The following LMAN2L variants were observed in gnomAD, a reference collection of about 807,000 sequenced individuals.
LMAN2L encodes the protein VIP36-like protein.
A neutral mutation model predicts 44.3 loss-of-function variants in LMAN2L; 30 were observed. The observed-to-expected ratio is 0.68, with a 90% CI of 0.51 to 0.92. LMAN2L has a LOEUF of 0.92. Among genes scored for constraint, LMAN2L ranks in the 40% least tolerant of loss-of-function variants. The pLI is 0.00. For missense variants in LMAN2L, 429 were observed against 446.1 expected (o/e 0.96, Z 0.35); for synonymous variants, 183 against 171.1 (o/e 1.07, Z -0.54).
chr2:96,707,408 C>G lies in LMAN2L; in HGVS notation c.905-10G>C. ...GGCAGTGGAGCTGTCACTGAGGAAG[C>G]AAGAGAGAAGCAAGTCAGAAAACAG... On this transcript the variant is annotated splice_polypyrimidine_tract_variant and intron_variant, in intron 7 of 7. Transcript: ENST00000264963. 1 of 1,607,068 alleles carries G rather than the reference C, an allele frequency of 6.2e-7. No individual in the cohort carries two copies. Among genetic ancestry groups the G allele is most frequent in the Non-Finnish European group, 8.5e-7 (1 of 1,176,792 alleles).
chr2:96,715,043 A>C (rs188847434), intron 4 of LMAN2L, among the ~76,000 whole-genome samples: 1 of 152,272 alleles, frequency 6.6e-6, no homozygotes, highest in Admixed American at 6.5e-5. Context: ...GGTTCAAGCA[A>C]TTCTCCTGCC....
chr2:96,722,703 T>C (rs953092568), intron 4 of LMAN2L, among the ~76,000 whole-genome samples: 1 of 152,256 alleles, frequency 6.6e-6, no homozygotes, highest in African/African-American at 2.4e-5. Flanking sequence ...TTATGAATAA[T>C]GCTGCTATGA....
chr2:96,718,292 T>C (rs1416334981), intron 4 of LMAN2L, among the ~76,000 whole-genome samples: 2 of 152,224 alleles, frequency 1.3e-5, no homozygotes, highest in Non-Finnish European at 2.9e-5. Flanking sequence ...AGCACAAAAT[T>C]ATTATCAAAT....
Position 96,727,090 on chromosome 2 carries a change from A to C in LMAN2L, c.507+6429T>G, listed in dbSNP as rs535168693. Among the ~76,000 whole-genome samples, 5 of 152,254 alleles carry C rather than the reference A, an allele frequency of 3.3e-5. No individual in the cohort carries two copies. The East Asian group carries it at 9.6e-4, about 29-fold the overall frequency. ...CAGAGCGAGACTCTATCTCAAAAAAACATAAAAATAAAAAATGTGTGTGTG... is the reference window on the plus strand; with the variant it reads ...CAGAGCGAGACTCTATCTCAAAAAACCATAAAAATAAAAAATGTGTGTGTG... On this transcript the variant is annotated intron_variant, in intron 4 of 7. Coordinates refer to ENST00000264963, the MANE Select transcript of LMAN2L (RefSeq NM_030805.4).
chr2:96,732,741 A>T (rs1012781792), intron 4 of LMAN2L, among the ~76,000 whole-genome samples: 3 of 151,638 alleles, frequency 2.0e-5, no homozygotes, highest in African/African-American at 7.2e-5. Context: ...GTTCCAACAA[A>T]ATGCTGGGCT....
At position 96,706,833 on chromosome 2, in the gene LMAN2L, T is replaced by C. The variant is rs904352037; in HGVS notation, c.*423A>G. 1 of 152,916 alleles carries C rather than the reference T, an allele frequency of 6.5e-6. No homozygotes were observed. Among genetic ancestry groups the C allele is most frequent in the African/African-American group, 2.4e-5 (1 of 41,484 alleles). The allele number at this position is 152,916 out of a possible 1,614,324, so 9.5% of individuals were successfully genotyped here. A position where few individuals can be genotyped will look rare whatever the true frequency, so the allele number is the denominator to read the frequency against. ...TGGGTCAAATGCAAAACCCAACGAA[T>C]GGATGGTCAGAAAGCCTGTGGTGTT... On this transcript the variant is annotated 3_prime_UTR_variant, in exon 8 of 8. Transcript: ENST00000264963.
intron 2 of LMAN2L, among the ~76,000 whole-genome samples, chr2:96,736,816 C>T (rs140856673): frequency 2.1e-3 from 323 of 152,248 alleles, no homozygotes; most frequent in African/African-American, 7.5e-3. Context: ...TTCAACTGTC[C>T]TTTATCTCTG....
intron 4 of LMAN2L, among the ~76,000 whole-genome samples, chr2:96,716,904 T>A (rs2078051152): frequency 6.6e-6 from 1 of 152,164 alleles, no homozygotes; most frequent in Non-Finnish European, 1.5e-5. Context: ...AAGAGAACGC[T>A]GAGAATAGTT....
chr2:96,727,131 C>CAT lies in LMAN2L; in HGVS notation c.507+6386_507+6387dup, dbSNP rs759336727. On this transcript the variant is annotated intron_variant, in intron 4 of 7. Transcript: ENST00000264963. Reference sequence around the variant, plus strand: ...TGTGTGTGTGACACACACACAAACACATATATATATATATTAGCTGTGGGT... The same window carrying CAT: ...TGTGTGTGTGACACACACACAAACACATATATATATATATATTAGCTGTGGGT... Among the ~76,000 whole-genome samples, 339 of 150,758 alleles carry CAT rather than the reference C, an allele frequency of 2.2e-3. 2 individuals are homozygous for CAT. The highest frequency in any genetic ancestry group is 0.013 in the East Asian group (66 of 5,150).
intron 4 of LMAN2L, among the ~76,000 whole-genome samples, chr2:96,718,765 C>G (rs1284210047): frequency 6.6e-6 from 1 of 152,184 alleles, no homozygotes; most frequent in African/African-American, 2.4e-5. Flanking sequence ...TTACACATTA[C>G]TAGGCAGCCT....
At chr2:96,714,717 C>T (rs2078003304) in intron 4 of LMAN2L, among the ~76,000 whole-genome samples, 1 of 152,132 alleles carries the variant, frequency 6.6e-6, no homozygotes, top group Non-Finnish European at 1.5e-5. Flanking sequence ...TAGCAATCTC[C>T]TATGTTAGCT....
At chr2:96,730,661 C>T (rs962429955) in intron 4 of LMAN2L, among the ~76,000 whole-genome samples, 6 of 149,546 alleles carry the variant, frequency 4.0e-5, no homozygotes, top group Admixed American at 4.0e-4. Context: ...TTTCCACACA[C>T]TCATTATCCC....
intron 4 of LMAN2L, among the ~76,000 whole-genome samples, chr2:96,714,304 A>G (rs1394692623): frequency 6.6e-6 from 1 of 152,230 alleles, no homozygotes; most frequent in Non-Finnish European, 1.5e-5. Context: ...TCAGAATCAC[A>G]GCTTGTGAGA....
intron 4 of LMAN2L, among the ~76,000 whole-genome samples, chr2:96,715,452 T>C (rs2078021551): frequency 6.6e-6 from 1 of 152,222 alleles, no homozygotes; most frequent in African/African-American, 2.4e-5. Flanking sequence ...CCTGGAAGTA[T>C]TTCTTGGATA....
rs896268997 is a variant in LMAN2L at position 96,711,914 on chromosome 2, G to T, written c.619C>A (p.Leu207Ile). 6.2e-6 allele frequency: 10 copies of T among 1,614,216 alleles called. No individual in the cohort carries two copies. Among genetic ancestry groups the T allele is most frequent in the Non-Finnish European group, 8.5e-6 (10 of 1,180,046 alleles). Reference sequence around the variant, plus strand: ...ATCACCAGGAAGGTGTCGTAATGAAGATTGCGGACAATGGCTGTGCAGCCT... The same window carrying T: ...ATCACCAGGAAGGTGTCGTAATGAATATTGCGGACAATGGCTGTGCAGCCT... The part of the protein sequence containing the change: ...LGGCTAIVRN[L>I]HYDTFLVIRY... The change falls in exon 5 of 8, where the codon CTT (leucine) becomes ATT (isoleucine). Residue 207 changes from leucine to isoleucine, a missense_variant. By Grantham distance (5) the Leu-to-Ile change is conservative. Coordinates refer to ENST00000264963, the MANE Select transcript of LMAN2L (RefSeq NM_030805.4).
chr2:96,716,323 T>C (rs1043608371), intron 4 of LMAN2L, among the ~76,000 whole-genome samples: 9 of 151,776 alleles, frequency 5.9e-5, no homozygotes, highest in Admixed American at 2.6e-4. Context: ...CTGAATACAT[T>C]TAGCACTTAA....
intron 4 of LMAN2L, chr2:96,712,964 A>G (rs1558949234): frequency 1.4e-6 from 1 of 693,436 alleles, no homozygotes; most frequent in East Asian, 2.7e-5. Flanking sequence ...CTTTGTCCCA[A>G]ATGGTTAACA....
chr2:96,711,090 G>A (rs1312788875), intron 6 of LMAN2L, among the ~76,000 whole-genome samples: 2 of 152,220 alleles, frequency 1.3e-5, no homozygotes. Flanking sequence ...GACAAAGGGT[G>A]AGAACGAGAA....
At chr2:96,716,362 G>A (rs2078040439) in intron 4 of LMAN2L, among the ~76,000 whole-genome samples, 1 of 151,570 alleles carries the variant, frequency 6.6e-6, no homozygotes, top group African/African-American at 2.4e-5. Context: ...TATGATTCTT[G>A]CACCAGTGAA....
Sources: gnomAD v4.1 joint callset for allele counts (sites outside exome capture counted in the v4.1 genomes callset) on GRCh38, gnomAD v4.1.1 for gene constraint, MANE v1.5 for transcripts, NCBI Gene and HGNC (gene_info 2026-07-23, HGNC 2026-07-21) for gene names.